Variants in STPG4 observed in about 807,000 individuals in gnomAD.
STPG4 encodes the protein sperm-tail PG-rich repeat containing 4.
Under a neutral mutation model 31.5 loss-of-function variants are expected in STPG4, and 41 were observed. The observed-to-expected ratio is 1.30, with a 90% CI of 1.01 to 1.69. The LOEUF is 1.69. STPG4 is among the 40% of genes most tolerant of loss of function. The pLI is 0.00. For synonymous variants in STPG4, 141 were observed against 103.0 expected, an observed-to-expected ratio of 1.37 and a Z score of -2.24; for missense variants, 375 against 293.4, an observed-to-expected ratio of 1.28 and a Z score of -2.03.
intron 5 of STPG4, among the ~76,000 whole-genome samples, chr2:47,092,449 G>C (rs1433203159): frequency 6.7e-6 from 1 of 150,104 alleles, no homozygotes; most frequent in East Asian, 2.0e-4. Context: ...GATCACCTGA[G>C]CCACAGAGGT....
At chr2:47,126,375 G>T (rs933182412) in intron 5 of STPG4, among the ~76,000 whole-genome samples, 1 of 151,566 alleles carries the variant, frequency 6.6e-6, no homozygotes, top group African/African-American at 2.4e-5. Context: ...GCCCAGGCTG[G>T]ACTGCAGTGG....
At position 47,116,035 on chromosome 2, in the gene STPG4, C is replaced by T. The variant is rs530647407; in HGVS notation, c.519+13906G>A. Among the ~76,000 whole-genome samples the T allele has an allele frequency of 1.6e-3, 242 of 152,194 alleles. 1 individual carries two copies. Among genetic ancestry groups the T allele is most frequent in the African/African-American group, 5.4e-3 (225 of 41,506 alleles). ...GAGATCAGACAAGTGAATGGCAAAC[C>T]CAGTCTTTTTCCTAGGGTTCCCTAA... On this transcript the variant is annotated intron_variant, in intron 5 of 6. Transcript: ENST00000445927.
chr2:47,096,136 T>G (rs1685664852), intron 5 of STPG4, among the ~76,000 whole-genome samples: 1 of 152,230 alleles, frequency 6.6e-6, no homozygotes, highest in South Asian at 2.1e-4. Flanking sequence ...ATCGACCAAG[T>G]AGGCGTGGAT....
intron 5 of STPG4, among the ~76,000 whole-genome samples, chr2:47,097,248 G>A (rs146129558): frequency 6.6e-6 from 1 of 152,232 alleles, no homozygotes; most frequent in South Asian, 2.1e-4. Context: ...TATGAGATAT[G>A]ACTCAATCTT....
At chr2:47,102,556 T>C (rs1484105855) in intron 5 of STPG4, among the ~76,000 whole-genome samples, 6 of 151,766 alleles carry the variant, frequency 4.0e-5, no homozygotes, top group Admixed American at 3.3e-4. Flanking sequence ...TTTCTTTTCA[T>C]TGAGAGAGAA....
intron 6 of STPG4, 102 bp downstream of exon 6, chr2:47,090,168 C>A: frequency 2.7e-6 from 2 of 751,604 alleles, no homozygotes; most frequent in East Asian, 5.4e-5. Context: ...ATTCCCCCAT[C>A]TCACCACCAC....
chr2:47,114,143 G>A (rs1454352544), intron 5 of STPG4, among the ~76,000 whole-genome samples: 3 of 152,122 alleles, frequency 2.0e-5, no homozygotes, highest in Non-Finnish European at 4.4e-5. Context: ...GGCAGAGGCA[G>A]GAGGATAGCT....
intron 3 of STPG4, among the ~76,000 whole-genome samples, chr2:47,133,757 A>C (rs1033349825): frequency 1.1e-4 from 16 of 151,610 alleles, no homozygotes; most frequent in African/African-American, 3.6e-4. Context: ...TTGTATTTTT[A>C]GTAGAGACAG....
chr2:47,090,354 A>G lies in STPG4; in HGVS notation c.540T>C (p.Gly180=). Reference sequence around the variant, plus strand: ...TTGGAGGCATTTTCACATTATAATGACCTGGACCAGGGCCTTCATGCTATT... The same window carrying G: ...TTGGAGGCATTTTCACATTATAATGGCCTGGACCAGGGCCTTCATGCTATT... ...YFIPHEGPGP[G]HYNVKMPPTS... Residue 180 remains glycine (G), a synonymous_variant, in exon 6 of 7, where the codon GGT becomes GGC. Transcript: ENST00000445927. The G allele has an allele frequency of 6.4e-7, 1 of 1,551,782 alleles. No individual in the cohort carries two copies. The highest frequency in any genetic ancestry group is 1.2e-5 in the South Asian group (1 of 84,050).
At position 47,151,386 on chromosome 2, in the gene STPG4, G is replaced by T; in HGVS notation, c.271C>A (p.Pro91Thr). 6.2e-7 allele frequency: 1 copy of T among 1,614,198 alleles called. No individual in the cohort carries two copies. Among genetic ancestry groups the T allele is most frequent in the South Asian group, 1.1e-5 (1 of 91,086 alleles). ...KKPPLVQRNNPVLNDLPQYMP... is the reference protein window; with the variant it reads ...KKPPLVQRNNTVLNDLPQYMP... The stretch of plus-strand genomic sequence containing the variant: ...TACTGCGGAAGATCATTTAGGACTG[G>T]ATTGTTTCTTTGCACAAGAGGTGGC... The change falls in exon 3 of 7, where the codon CCA (proline) becomes ACA (threonine). Residue 91 changes from proline to threonine, a missense_variant. Transcript: ENST00000445927.
intron 5 of STPG4, among the ~76,000 whole-genome samples, chr2:47,095,670 C>T (rs1332531320): frequency 6.6e-6 from 1 of 152,190 alleles, no homozygotes; most frequent in East Asian, 1.9e-4. Context: ...GCTGGGAATA[C>T]AGTGATATAT....
intron 5 of STPG4, chr2:47,120,998 G>C (rs1686261934): frequency 6.6e-6 from 1 of 152,340 alleles, no homozygotes. Flanking sequence ...GCAGTTTGGA[G>C]GAATAGTAGC....
intron 5 of STPG4, among the ~76,000 whole-genome samples, chr2:47,114,887 C>T (rs1686114711): frequency 6.6e-6 from 1 of 152,166 alleles, no homozygotes; most frequent in African/African-American, 2.4e-5. Flanking sequence ...CCTGCCTCAG[C>T]ATCCTAAGTA....
chr2:47,100,807 C>G (rs145221213), intron 5 of STPG4, among the ~76,000 whole-genome samples: 8,285 of 151,716 alleles, frequency 0.055, 412 homozygotes, highest in African/African-American at 0.11. Flanking sequence ...CAGCTTCACT[C>G]CTGAGCCAGT....
At chr2:47,101,946 G>A (rs879727152) in intron 5 of STPG4, among the ~76,000 whole-genome samples, 5 of 151,634 alleles carry the variant, frequency 3.3e-5, no homozygotes, top group Admixed American at 2.0e-4. Context: ...AGAATGTGTC[G>A]GTAAGGGCCA....
intron 5 of STPG4, among the ~76,000 whole-genome samples, chr2:47,116,224 A>C (rs1194610598): frequency 6.6e-6 from 1 of 152,164 alleles, no homozygotes; most frequent in African/African-American, 2.4e-5. Flanking sequence ...TAGTATTCAG[A>C]GGTGTGGACT....
At chr2:47,152,207 A>AC (rs1465805746) in intron 2 of STPG4, among the ~76,000 whole-genome samples, 1 of 90,322 alleles carries the variant, frequency 1.1e-5, no homozygotes, top group African/African-American at 3.6e-5. Context: ...CCAATGTAGG[A>AC]TGTTTCTCTC....
chr2:47,112,401 C>T (rs57112628), intron 5 of STPG4, among the ~76,000 whole-genome samples: 2,175 of 152,076 alleles, frequency 0.014, 62 homozygotes, highest in African/African-American at 0.049. Context: ...AAACTCCTGA[C>T]CTCAAGTGAT....
intron 5 of STPG4, among the ~76,000 whole-genome samples, chr2:47,125,300 T>A (rs1430184614): frequency 6.6e-6 from 1 of 152,126 alleles, no homozygotes; most frequent in Non-Finnish European, 1.5e-5. Context: ...CATGCACCTG[T>A]AATCCCAGCT....
Sources: gnomAD v4.1 joint callset for allele counts (sites outside exome capture counted in the v4.1 genomes callset) on GRCh38, gnomAD v4.1.1 for gene constraint, MANE v1.5 for transcripts, NCBI Gene and HGNC (gene_info 2026-07-23, HGNC 2026-07-21) for gene names.